The following BIN2 variants were observed in gnomAD, a reference collection of about 807,000 sequenced individuals.
BIN2 encodes the protein breast cancer associated protein BRAP1.
A neutral mutation model predicts 67.9 loss-of-function variants in BIN2; 43 were observed. That is an observed-to-expected ratio of 0.63 (90% confidence interval 0.50 to 0.82). The LOEUF is 0.82. Ranked by LOEUF, BIN2 falls within the 40% of genes least tolerant of loss-of-function variation. BIN2 has a pLI of 0.00. For missense variants in BIN2, 581 were observed against 671.6 expected, an observed-to-expected ratio of 0.87 and a Z score of 1.49; for synonymous variants, 244 against 246.8, an observed-to-expected ratio of 0.99 and a Z score of 0.11.
intron 11 of BIN2, among the ~76,000 whole-genome samples, chr12:51,285,098 T>A (rs1467369530): frequency 6.6e-6 from 1 of 152,180 alleles, no homozygotes; most frequent in Non-Finnish European, 1.5e-5. Context: ...TGTGGATGTG[T>A]ATCTATAAGG....
chr12:51,324,484 T>C (rs533349045), upstream of BIN2: 2 of 1,525,010 alleles, frequency 1.3e-6, no homozygotes, highest in East Asian at 2.5e-5. Flanking sequence ...TAGAAAATGA[T>C]GTGGGTTCCA....
rs756187749 is a variant in BIN2, at chr12:51,284,769, C to T, written c.1615G>A (p.Val539Ile). 3.1e-6 allele frequency: 5 copies of T among 1,613,676 alleles called. No homozygotes were observed. The highest frequency in any genetic ancestry group is 1.1e-5 in the South Asian group (1 of 91,082). The change falls in exon 12 of 13, where the codon GTC becomes ATC. Residue 539 changes from valine to isoleucine, a missense_variant. Transcript: ENST00000615107. ...NSSEGQDQLQ[V>I]SMVPENNNLT... ...TTGTTGTTTTCTGGTACCATGGAGA[C>T]TTGAAGCTGGTCTTGGCCCTACAAA...
At chr12:51,307,417 C>G (rs1945895192) in intron 2 of BIN2, among the ~76,000 whole-genome samples, 1 of 151,720 alleles carries the variant, frequency 6.6e-6, no homozygotes, top group Non-Finnish European at 1.5e-5. Context: ...TGTTAAATTA[C>G]CTTGCACAGG....
rs778683696 is a variant in BIN2 at position 51,291,824 on chromosome 12, G to A, written c.1282C>T (p.Pro428Ser). ...PPPRATASPR[P>S]SSGNIPSSPT... ...CTGGAAGGTATGTTCCCTGAGGAGG[G>A]CCTGGGGCTTGCAGTGGCTCTGGGT... is the stretch of plus-strand genomic sequence containing the variant. The change falls in exon 10 of 13, where the codon CCC becomes TCC. Residue 428 changes from proline (P) to serine (S), a missense_variant. Physicochemically the swap from Pro to Ser is moderately conservative, Grantham distance 74. Coordinates refer to ENST00000615107, the MANE Select transcript of BIN2 (RefSeq NM_016293.4). The A allele has an allele frequency of 3.1e-6, 5 of 1,614,056 alleles. No homozygotes were observed. Among genetic ancestry groups the A allele is most frequent in the Non-Finnish European group, 4.2e-6 (5 of 1,179,998 alleles).
intron 2 of BIN2, among the ~76,000 whole-genome samples, chr12:51,308,873 C>T (rs1223012203): frequency 3.3e-5 from 5 of 152,014 alleles, no homozygotes; most frequent in Admixed American, 3.3e-4. Flanking sequence ...AATCCGAGCA[C>T]TTTGGGAAGC....
In BIN2 at chr12:51,301,954, A is replaced by G. The variant is rs557873586; in HGVS notation, c.408+66T>C. 4.1e-5 allele frequency: 46 copies of G among 1,115,702 alleles called. No individual in the cohort carries two copies. In the South Asian group the frequency reaches 5.8e-4, roughly 14 times the overall value. The allele number at this position is 1,115,702 out of a possible 1,614,324, so 69.1% of individuals were successfully genotyped here. A position where few individuals can be genotyped will look rare whatever the true frequency, so the allele number is the denominator to read the frequency against. On this transcript the variant is annotated intron_variant, in intron 5 of 12. Coordinates refer to ENST00000615107, the MANE Select transcript of BIN2 (RefSeq NM_016293.4). Reference sequence around the variant, plus strand: ...GTTCTAATTCTACTTATAATGCTTAACCCAATATGTTCTCTAACCTGGATG... The same window carrying G: ...GTTCTAATTCTACTTATAATGCTTAGCCCAATATGTTCTCTAACCTGGATG...
At chr12:51,314,810 AAAG>A (rs1209272040) in intron 1 of BIN2, among the ~76,000 whole-genome samples, 2 of 148,292 alleles carry the variant, frequency 1.3e-5, no homozygotes, top group African/African-American at 5.3e-5. Flanking sequence ...AAAAAAAAAA[AAAG>A]AAAGAAATAA....
intron 1 of BIN2, among the ~76,000 whole-genome samples, chr12:51,318,875 C>G (rs1486592911): frequency 6.6e-6 from 1 of 152,130 alleles, no homozygotes; most frequent in African/African-American, 2.4e-5. Flanking sequence ...GTTTTGCTCC[C>G]TTGCCTGTAA....
chr12:51,308,111 C>T (rs1021234356), intron 2 of BIN2, among the ~76,000 whole-genome samples: 2 of 151,998 alleles, frequency 1.3e-5, no homozygotes, highest in East Asian at 3.9e-4. Context: ...ACCTATCTGT[C>T]CCCCCCTGGA....
intron 7 of BIN2, 94 bp downstream of exon 7, chr12:51,299,109 A>G: frequency 1.1e-6 from 1 of 897,612 alleles, no homozygotes; most frequent in Non-Finnish European, 1.7e-6. Flanking sequence ...CAGTGTGGGA[A>G]TTTAAATCTA....
upstream of BIN2, chr12:51,324,243 T>TGAGGCCCGCCCC (rs1274325676): frequency 3.5e-6 from 5 of 1,438,212 alleles, no homozygotes; most frequent in Non-Finnish European, 4.5e-6. Flanking sequence ...TGGCCAGCCC[T>TGAGGCCCGCCCC]GAGGCCCGCC....
At chr12:51,283,453 C>T (rs1302950290) in intron 12 of BIN2, among the ~76,000 whole-genome samples, 3 of 151,880 alleles carry the variant, frequency 2.0e-5, no homozygotes, top group Non-Finnish European at 4.4e-5. Flanking sequence ...TGATCCTGAC[C>T]GTAGGCCAAT....
intron 1 of BIN2, among the ~76,000 whole-genome samples, chr12:51,314,528 G>A (rs938234248): frequency 6.6e-6 from 1 of 152,054 alleles, no homozygotes; most frequent in Non-Finnish European, 1.5e-5. Flanking sequence ...GGCTGGGTGT[G>A]GTGGCTCACA....
chr12:51,297,472 C>T (rs1472432636), intron 7 of BIN2: 1 of 195,758 alleles, frequency 5.1e-6, no homozygotes, highest in Non-Finnish European at 1.0e-5. Context: ...GAGGCTGAGG[C>T]AAAAGAGTCG....
At chr12:51,295,580 ATATATATATATATATATATATATAT>A (rs1945537790) in intron 9 of BIN2, among the ~76,000 whole-genome samples, 191 bp downstream of exon 9, 889 of 39,404 alleles carry the variant, frequency 0.023, 100 homozygotes, top group South Asian at 0.12. Context: ...AAAAAAAAAT[ATATATATATATATATATATATATAT>A]ATATATATAT....
chr12:51,321,460 C>T (rs748684749), intron 1 of BIN2, among the ~76,000 whole-genome samples: 3 of 151,778 alleles, frequency 2.0e-5, no homozygotes, highest in Non-Finnish European at 4.4e-5. Flanking sequence ...AGTGCAATGG[C>T]GCGATCTCGG....
chr12:51,307,000 C>T (rs1945879380), intron 2 of BIN2, among the ~76,000 whole-genome samples: 1 of 151,982 alleles, frequency 6.6e-6, no homozygotes, highest in African/African-American at 2.4e-5. Context: ...ATGAACAAGG[C>T]TTGGCCGGGC....
rs1565692627 is a variant in BIN2 at position 51,319,955 on chromosome 12, C to CCTTCCT, written c.81+4066_81+4067insAGGAAG. 3.8e-4 allele frequency among the ~76,000 whole-genome samples: 57 copies of CCTTCCT among 151,084 alleles called. 1 individual carries two copies. In the East Asian group the frequency reaches 6.4e-3, roughly 17 times the overall value. ...TTTTGTGGTTATGTAGGAAATCTTT[C>CCTTCCT]TCTTTCCTTCCTTCCTTCCTTTTCT... On this transcript the variant is annotated intron_variant, in intron 1 of 12. Transcript: ENST00000615107.
chr12:51,314,017 C>CTTAT (rs138541026), intron 1 of BIN2, 114 bp from the exon 2 acceptor site: 28,562 of 242,624 alleles, frequency 0.12, 2,401 homozygotes, highest in Non-Finnish European at 0.15. Context: ...AAGGGCTGTA[C>CTTAT]TTATTTATTT....
Sources: gnomAD v4.1 joint callset for allele counts (sites outside exome capture counted in the v4.1 genomes callset) on GRCh38, gnomAD v4.1.1 for gene constraint, MANE v1.5 for transcripts, NCBI Gene and HGNC (gene_info 2026-07-23, HGNC 2026-07-21) for gene names.